MYH7B: variants seen among roughly 807,000 people sequenced by gnomAD.
MYH7B encodes myosin-7B.
Under a neutral mutation model 234.5 loss-of-function variants are expected in MYH7B, and 205 were observed. That is an observed-to-expected ratio of 0.87 (90% CI 0.78 to 0.98). The LOEUF (loss-of-function observed/expected upper bound fraction) is 0.98, where lower values mean the gene tolerates loss of function less well. MYH7B is among the 50% of genes least tolerant of loss of function. MYH7B has a pLI of 0.00. For synonymous variants in MYH7B, 1,193 were observed against 1,105.0 expected, an observed-to-expected ratio of 1.08 and a Z score of -1.58; for missense variants, 2,652 against 2,633.4, an observed-to-expected ratio of 1.01 and a Z score of -0.15.
At chr20:34,975,767 G>A (rs1466630944) in intron 3 of MYH7B, among the ~76,000 whole-genome samples, 1 of 152,168 alleles carries the variant, frequency 6.6e-6, no homozygotes, top group Non-Finnish European at 1.5e-5. Context: ...CCAGGCTGGA[G>A]TGCAGTGGTG....
At chr20:34,979,586 A>G in intron 6 of MYH7B, 75 bp from the exon 7 acceptor site, 1 of 1,605,586 alleles carries the variant, frequency 6.2e-7, no homozygotes, top group Non-Finnish European at 8.5e-7. Flanking sequence ...GGGTCTGGGT[A>G]TGTGGGTGGG....
intron 3 of MYH7B, 139 bp downstream of exon 3, chr20:34,975,638 C>T: frequency 1.7e-6 from 1 of 604,510 alleles, no homozygotes; most frequent in South Asian, 2.0e-5. Flanking sequence ...CGCGTCATTT[C>T]CTAATGGAGA....
chr20:35,000,806 G>A (rs756255803), exon 40 of MYH7B: 14 of 1,613,754 alleles, frequency 8.7e-6, no homozygotes, highest in African/African-American at 4.0e-5. Flanking sequence ...AGCTGGAGGC[G>A]GACTTGGCCC....
chr20:34,980,430 T>A (rs1359894969), intron 7 of MYH7B, 148 bp from the exon 8 acceptor site: 1 of 701,982 alleles, frequency 1.4e-6, no homozygotes, highest in Non-Finnish European at 2.5e-6. Flanking sequence ...GCGCTTGTAG[T>A]CCTAGCTACC....
intron 1 of MYH7B, among the ~76,000 whole-genome samples, chr20:34,957,846 C>T (rs995889616): frequency 1.3e-5 from 2 of 152,180 alleles, no homozygotes; most frequent in Admixed American, 6.5e-5. Flanking sequence ...CAGGCTGAGT[C>T]CTCCAGTCTC....
intron 13 of MYH7B, among the ~76,000 whole-genome samples, chr20:34,985,516 G>T (rs888733029): frequency 6.6e-6 from 1 of 152,014 alleles, no homozygotes; most frequent in Non-Finnish European, 1.5e-5. Flanking sequence ...CGGCCCTCCT[G>T]CCCCAGCTGC....
At chr20:34,982,529 C>T in exon 10 of MYH7B, 1 of 1,610,332 alleles carries the variant, frequency 6.2e-7, no homozygotes, top group Non-Finnish European at 8.5e-7. Flanking sequence ...CGTCGCTGCC[C>T]TGGGAGACGG....
intron 7 of MYH7B, 131 bp from the exon 8 acceptor site, chr20:34,980,447 G>A: frequency 1.3e-6 from 1 of 777,394 alleles, no homozygotes; most frequent in Non-Finnish European, 2.2e-6. Context: ...TACCCTGGGA[G>A]GCTGAGGCAG....
At chr20:35,000,202 C>A in intron 38 of MYH7B, 91 bp from the exon 39 acceptor site, 1 of 1,442,944 alleles carries the variant, frequency 6.9e-7, no homozygotes, top group South Asian at 1.4e-5. Flanking sequence ...CATTTGTTCT[C>A]AAAATGGGTT....
At position 34,987,212 on chromosome 20, in the gene MYH7B, G is replaced by A. The variant is rs202008106; in HGVS notation, c.1072G>A (p.Ala358Thr). ...ATGTGCCTGCTATAAGATCGTGGGC[G>A]CCCTCCTGCACTTTGGCAACATGAA... Residue 358 changes from alanine to threonine, a missense_variant, in exon 16 of 45, where the codon GCC (alanine) becomes ACC (threonine). Physicochemically the swap from Ala to Thr is moderately conservative, Grantham distance 58. Around this residue, in one of 3 missense-constraint regions of MYH7B, gnomAD observed 2,279 missense variants for 2,211.4 expected, o/e 1.03. Transcript: ENST00000262873. 8.6e-5 allele frequency: 139 copies of A among 1,612,392 alleles called. No homozygotes were observed. The Admixed American group carries it at 1.1e-3, about 13-fold the overall frequency.
Position 34,988,274 on chromosome 20 carries a change from G to A in MYH7B, c.1587+12G>A, listed in dbSNP as rs375738015. ...ACCTCATCGAGAAGGTGGGTGCCGC[G>A]GCAAGGTCACTTTGAGGAAGGGAGG... On this transcript the variant is annotated intron_variant, in intron 19 of 44. Coordinates refer to ENST00000262873, the Ensembl canonical transcript of MYH7B. 500 of 1,606,854 alleles carry A rather than the reference G, an allele frequency of 3.1e-4. 1 individual carries two copies. Among genetic ancestry groups the A allele is most frequent in the Non-Finnish European group, 4.0e-4 (474 of 1,174,800 alleles).
chr20:34,975,571 C>G (rs947904491), intron 3 of MYH7B, 72 bp downstream of exon 3: 2 of 692,316 alleles, frequency 2.9e-6, no homozygotes, highest in Admixed American at 2.2e-5. Flanking sequence ...TTCACTGCAG[C>G]CTTGACTGTA....
chr20:34,976,001 C>A (rs992126628), intron 3 of MYH7B, among the ~76,000 whole-genome samples: 15 of 152,208 alleles, frequency 9.9e-5, no homozygotes, highest in Non-Finnish European at 1.5e-4. Context: ...CAGGCGTGAG[C>A]CACTGCGCTT....
rs1391608790 is a variant in MYH7B, at chr20:35,001,418, C to A, written c.5581-13C>A. On this transcript the variant is annotated splice_polypyrimidine_tract_variant and intron_variant, in intron 42 of 44. Coordinates refer to ENST00000262873, the Ensembl canonical transcript of MYH7B. ...CAGCCCAAGCAAGCCCTGAGTCCCC[C>A]TTGCCCGCCCAGGCCGAGGAGGACA... 12 of 1,595,326 alleles carry A rather than the reference C, an allele frequency of 7.5e-6. No homozygotes were observed. The highest frequency in any genetic ancestry group is 6.8e-5 in the South Asian group (6 of 88,746).
chr20:34,985,148 G>C lies in MYH7B; in HGVS notation c.805+19G>C. ...GACAGCTGTGAGTCAACCCCCTGCG[G>C]GCGGTGCAGGGGAAGGAGGCCTGAG... On this transcript the variant is annotated intron_variant, in intron 13 of 44. Transcript: ENST00000262873. 3.1e-6 allele frequency: 5 copies of C among 1,612,270 alleles called. No individual in the cohort carries two copies. The highest frequency in any genetic ancestry group is 4.2e-6 in the Non-Finnish European group (5 of 1,178,376).
At chr20:34,995,475 G>A (rs754106966) in exon 28 of MYH7B, 11 of 1,613,972 alleles carry the variant, frequency 6.8e-6, no homozygotes, top group East Asian at 2.2e-5. Flanking sequence ...GCCGCCCGCC[G>A]GCGCAAGCTG....
At position 34,999,925 on chromosome 20, in the gene MYH7B, C is replaced by T. The variant is rs757182085; in HGVS notation, c.4781+19C>T. 1.7e-5 allele frequency: 28 copies of T among 1,601,194 alleles called. No individual in the cohort carries two copies. Among genetic ancestry groups the T allele is most frequent in the Non-Finnish European group, 2.2e-5 (26 of 1,170,212 alleles). On this transcript the variant is annotated intron_variant, in intron 38 of 44. Transcript: ENST00000262873. ...ACCTGAGGTGTGTCCATCCTTCTCC[C>T]GTCCCCACCTCCCGAGAGCAGAAGG...
exon 35 of MYH7B, chr20:34,998,749 G>A (rs1398401210): frequency 1.2e-6 from 2 of 1,612,316 alleles, no homozygotes; most frequent in African/African-American, 2.7e-5. Flanking sequence ...CGCCGTGCAG[G>A]CTCTGCGGCA....
exon 22 of MYH7B, chr20:34,990,286 C>T (rs1415054973): frequency 4.3e-6 from 7 of 1,614,156 alleles, no homozygotes; most frequent in Non-Finnish European, 5.9e-6. Flanking sequence ...CAGCATCGTT[C>T]CAGACGGTGT....
Sources: allele counts gnomAD v4.1 joint callset (sites outside exome capture counted in the v4.1 genomes callset), GRCh38; gene constraint gnomAD v4.1.1; regional missense constraint gnomAD v4.1.1; transcripts MANE v1.5; gene names NCBI Gene and HGNC (gene_info 2026-07-23, HGNC 2026-07-21).